Variants in KDM4C observed in about 807,000 individuals in gnomAD.
KDM4C encodes the protein lysine-specific demethylase 4C.
Under a neutral mutation model 129.3 loss-of-function variants are expected in KDM4C, and 81 were observed. The observed-to-expected ratio is 0.63, with a 90% confidence interval of 0.52 to 0.75. The LOEUF is 0.75. Ranked by LOEUF, KDM4C falls within the 30% of genes least tolerant of loss-of-function variation. The probability of loss-of-function intolerance (pLI) is 0.00; values close to 1 mark genes in which losing one functional copy is unlikely to be tolerated. For synonymous variants in KDM4C, 573 were observed against 456.1 expected, an observed-to-expected ratio of 1.26 and a Z score of -3.26; for missense variants, 1,457 against 1,304.0, an observed-to-expected ratio of 1.12 and a Z score of -1.81.
chr9:7,080,735 A>G (rs919507926), intron 17 of KDM4C, among the ~76,000 whole-genome samples: 5 of 152,234 alleles, frequency 3.3e-5, no homozygotes, highest in African/African-American at 7.2e-5. Context: ...CTGGAATTCT[A>G]TGCTGGGAAA....
At chr9:6,805,073 G>C (rs563082853) in intron 2 of KDM4C, among the ~76,000 whole-genome samples, 1 of 151,992 alleles carries the variant, frequency 6.6e-6, no homozygotes, top group Admixed American at 6.6e-5. Context: ...GCTAATTTTT[G>C]TATTTTTAGT....
chr9:7,079,826 A>G (rs1413748511), intron 17 of KDM4C, among the ~76,000 whole-genome samples: 2 of 152,172 alleles, frequency 1.3e-5, no homozygotes, highest in African/African-American at 2.4e-5. Flanking sequence ...TAGAGAATTA[A>G]TTTTCTGGCC....
Position 7,044,534 on chromosome 9 carries a change from T to C in KDM4C, c.2260-2328T>C, listed in dbSNP as rs117538240. On this transcript the variant is annotated intron_variant, in intron 15 of 21. Coordinates refer to ENST00000381309, the MANE Select transcript of KDM4C (RefSeq NM_015061.6). ...GAACAGGGTGGATTTGGAGGTGGGA[T>C]TGACAGAACTCAGTTGATTGGATCT... 7.9e-3 allele frequency among the ~76,000 whole-genome samples: 1,195 copies of C among 151,956 alleles called. 7 individuals are homozygous for C. Among genetic ancestry groups the C allele is most frequent in the Non-Finnish European group, 0.013 (904 of 67,900 alleles).
intron 3 of KDM4C, among the ~76,000 whole-genome samples, chr9:6,808,336 T>C (rs1373596488): frequency 1.4e-5 from 1 of 70,794 alleles, no homozygotes; most frequent in Non-Finnish European, 2.5e-5. Flanking sequence ...ACTTTTCATT[T>C]TGTTCTGCAC....
Position 7,128,055 on chromosome 9 carries a change from C to A in KDM4C, c.2611-11C>A, listed in dbSNP as rs191364334. 1 of 1,458,662 alleles carries A rather than the reference C, an allele frequency of 6.9e-7. No homozygotes were observed. The highest frequency in any genetic ancestry group is 9.1e-7 in the Non-Finnish European group (1 of 1,099,242). 90.4% of individuals were successfully genotyped at this position (1,458,662 alleles called of 1,614,324 possible). ...ACTTCTTTTCTTCCTTTTTTGTGTC[C>A]CTTCTTTTAGAAGTCCAAGGCTTGC... On this transcript the variant is annotated splice_polypyrimidine_tract_variant and intron_variant, in intron 18 of 21. Coordinates refer to ENST00000381309, the MANE Select transcript of KDM4C (RefSeq NM_015061.6).
intron 4 of KDM4C, among the ~76,000 whole-genome samples, chr9:6,821,785 C>T (rs1400039438): frequency 2.6e-5 from 4 of 151,688 alleles, no homozygotes; most frequent in Admixed American, 2.6e-4. Flanking sequence ...CAGGTGCATG[C>T]CACCACACCT....
intron 12 of KDM4C, among the ~76,000 whole-genome samples, chr9:7,011,216 C>T (rs919755886): frequency 9.2e-5 from 14 of 152,036 alleles, no homozygotes; most frequent in Non-Finnish European, 1.9e-4. Flanking sequence ...AATTCTTGAA[C>T]CCAGAATTTA....
intron 19 of KDM4C, among the ~76,000 whole-genome samples, chr9:7,133,451 G>T (rs774712060): frequency 1.3e-5 from 2 of 152,160 alleles, no homozygotes; most frequent in Non-Finnish European, 1.5e-5. Context: ...TGTTTTCTGA[G>T]TGTATTTTTT....
In KDM4C at chr9:6,934,631, T is replaced by G. The variant is rs141745558; in HGVS notation, c.921+41399T>G. 8.0e-3 allele frequency among the ~76,000 whole-genome samples: 1,213 copies of G among 151,846 alleles called. 12 individuals are homozygous for G. The highest frequency in any genetic ancestry group is 0.027 in the African/African-American group (1,098 of 41,426). On this transcript the variant is annotated intron_variant, in intron 8 of 21. Transcript: ENST00000381309. ...GGCACGCGCCACCATGCCTAGCTAA[T>G]TTTTGTATTTTTAGTAGAGATGGGG...
intron 8 of KDM4C, among the ~76,000 whole-genome samples, chr9:6,931,130 C>T (rs963472887): frequency 3.8e-4 from 57 of 151,680 alleles, no homozygotes; most frequent in African/African-American, 1.3e-3. Flanking sequence ...TCACCCCCCC[C>T]ACACAAACAC....
In KDM4C at chr9:7,076,418, G is replaced by A. The variant is rs796945229; in HGVS notation, c.2424+27218G>A. On this transcript the variant is annotated intron_variant, in intron 17 of 21. Coordinates refer to ENST00000381309, the MANE Select transcript of KDM4C (RefSeq NM_015061.6). ...CTGGCATATTGGACTTTTAAAATTT[G>A]CATTGTGTTTTTCAGGGAAGGCTGG... 17 of 1,528,046 alleles carry A rather than the reference G, an allele frequency of 1.1e-5. No homozygotes were observed. In the African/African-American group the frequency reaches 2.1e-4, roughly 19 times the overall value. The allele number at this position is 1,528,046 out of a possible 1,614,324, so 94.7% of individuals were successfully genotyped here.
intron 8 of KDM4C, among the ~76,000 whole-genome samples, chr9:6,976,004 C>G (rs1832852536): frequency 6.6e-6 from 1 of 152,186 alleles, no homozygotes. Flanking sequence ...CGCCACTGTA[C>G]TCCAGCCTGG....
rs144249900 is a variant in KDM4C at position 6,838,726 on chromosome 9, G to C, written c.436-10781G>C. Among the ~76,000 whole-genome samples, 643 of 151,044 alleles carry C rather than the reference G, an allele frequency of 4.3e-3. 6 individuals carry two copies. Among genetic ancestry groups the C allele is most frequent in the African/African-American group, 0.014 (567 of 40,988 alleles). On this transcript the variant is annotated intron_variant, in intron 4 of 21. Transcript: ENST00000381309. ...GTATAAAAATGCAAAAGGGAAAATA[G>C]TTTTGTTTTAAAATAAAGATTTAAG...
rs116426207 is a variant in KDM4C at position 6,974,273 on chromosome 9, A to G, written c.922-6652A>G. ...GACTCTCTAACAAGGAAATCAGTATACCTGAACATTTTAATAAAAACATTT... is the reference window on the plus strand; with the variant it reads ...GACTCTCTAACAAGGAAATCAGTATGCCTGAACATTTTAATAAAAACATTT... On this transcript the variant is annotated intron_variant, in intron 8 of 21. Transcript: ENST00000381309. Among the ~76,000 whole-genome samples the G allele has an allele frequency of 5.9e-3, 904 of 152,366 alleles. 12 individuals are homozygous for G. The highest frequency in any genetic ancestry group is 0.02 in the African/African-American group (847 of 41,590).
At position 6,802,754 on chromosome 9, in the gene KDM4C, T is replaced by C. The variant is rs117212870; in HGVS notation, c.145-2845T>C. ...CCGGAGGAGCTTGGACTACAGGCAT[T>C]GACCACCACGTTTGGCTAATTTTTG... On this transcript the variant is annotated intron_variant, in intron 2 of 21. Coordinates refer to ENST00000381309, the MANE Select transcript of KDM4C (RefSeq NM_015061.6). Among the ~76,000 whole-genome samples, 669 of 152,298 alleles carry C rather than the reference T, an allele frequency of 4.4e-3. 4 individuals are homozygous for C. The highest frequency in any genetic ancestry group is 0.034 in the South Asian group (162 of 4,826).
At chr9:6,852,955 C>G (rs1171419316) in intron 5 of KDM4C, among the ~76,000 whole-genome samples, 1 of 152,056 alleles carries the variant, frequency 6.6e-6, no homozygotes, top group African/African-American at 2.4e-5. Context: ...CCTCATTTTC[C>G]CACCTCCTTT....
chr9:6,854,068 C>G (rs979866321), intron 5 of KDM4C, among the ~76,000 whole-genome samples: 6 of 151,756 alleles, frequency 4.0e-5, no homozygotes, highest in African/African-American at 1.5e-4. Context: ...AAAGTCTGAA[C>G]TTGGCCATAA....
intron 21 of KDM4C, chr9:7,170,343 G>A: frequency 2.0e-6 from 2 of 1,018,056 alleles, no homozygotes; most frequent in Non-Finnish European, 2.4e-6. Context: ...GTCTCAGAAA[G>A]TTACTGATGT....
At chr9:7,001,046 G>C (rs1820632324) in intron 12 of KDM4C, among the ~76,000 whole-genome samples, 1 of 152,200 alleles carries the variant, frequency 6.6e-6, no homozygotes, top group Non-Finnish European at 1.5e-5. Flanking sequence ...AAGACTTCCA[G>C]CTAGTGAATG....
Sources: allele counts gnomAD v4.1 joint callset (sites outside exome capture counted in the v4.1 genomes callset), GRCh38; gene constraint gnomAD v4.1.1; transcripts MANE v1.5; gene names NCBI Gene and HGNC (gene_info 2026-07-23, HGNC 2026-07-21).